CNST: variants seen among roughly 807,000 people sequenced by gnomAD.
The protein encoded by CNST is consortin, connexin sorting protein.
A neutral mutation model predicts 72.4 loss-of-function variants in CNST; 39 were observed. The observed-to-expected ratio is 0.54, with a 90% CI of 0.42 to 0.70. CNST has a LOEUF of 0.70. Among genes scored for constraint, CNST ranks in the 30% least tolerant of loss-of-function variants. The pLI, the probability that CNST is intolerant of heterozygous loss-of-function variation, is 0.00. For synonymous variants in CNST, 332 were observed against 320.1 expected (o/e 1.04, Z -0.40); for missense variants, 871 against 868.5 (o/e 1.00, Z -0.04).
At chr1:246,577,907 A>G (rs1408306496) in intron 1 of CNST, among the ~76,000 whole-genome samples, 1 of 151,942 alleles carries the variant, frequency 6.6e-6, no homozygotes, top group Non-Finnish European at 1.5e-5. Flanking sequence ...TTAATCTTTC[A>G]CTGACAAAAA....
intron 1 of CNST, among the ~76,000 whole-genome samples, chr1:246,579,034 TATTCTC>T (rs1247566205): frequency 6.6e-6 from 1 of 152,276 alleles, no homozygotes; most frequent in Non-Finnish European, 1.5e-5. Context: ...TGTGTCTTGT[TATTCTC>T]ATACTCTGGT....
At chr1:246,626,676 C>T (rs1664460346) in intron 3 of CNST, among the ~76,000 whole-genome samples, 1 of 151,882 alleles carries the variant, frequency 6.6e-6, no homozygotes, top group Admixed American at 6.6e-5. Context: ...AGGCTGGTCT[C>T]AAACTCCTGA....
chr1:246,620,875 C>T (rs904189284), intron 2 of CNST, among the ~76,000 whole-genome samples: 3 of 151,784 alleles, frequency 2.0e-5, no homozygotes, highest in Non-Finnish European at 2.9e-5. Flanking sequence ...TTCAGTCATG[C>T]GTACACACTA....
intron 6 of CNST, among the ~76,000 whole-genome samples, chr1:246,637,648 T>C (rs1354026076): frequency 6.6e-6 from 1 of 152,166 alleles, no homozygotes; most frequent in Non-Finnish European, 1.5e-5. Flanking sequence ...ACAGAGTTGA[T>C]GTTTTCAAGT....
At position 246,641,766 on chromosome 1, in the gene CNST, A is replaced by T; in HGVS notation, c.836A>T (p.His279Leu). 7.4e-7 allele frequency: 1 copy of T among 1,356,602 alleles called. No individual in the cohort carries two copies. The highest frequency in any genetic ancestry group is 1.2e-5 in the South Asian group (1 of 81,736). The allele number at this position is 1,356,602 out of a possible 1,614,324, so 84.0% of individuals were successfully genotyped here. A position where few individuals can be genotyped will look rare whatever the true frequency, so the allele number is the denominator to read the frequency against. ...TCCTACAGTCCTCTTTTATCCAAAC[A>T]TAAGGTAAGAGATTGTTTCTTTTGA... is the stretch of plus-strand genomic sequence containing the variant. ...ATHQDPLLSK[H>L]KIAAVEKSQE... is the part of the protein sequence containing the mutation. Residue 279 changes from histidine (H) to leucine (L), a missense_variant, in exon 7 of 11, where the codon CAT becomes CTT. Coordinates refer to ENST00000366513, the MANE Select transcript of CNST (RefSeq NM_152609.3).
In CNST at chr1:246,621,559, G is replaced by A; in HGVS notation, c.510G>A (p.Leu170=). ...AGCCAGAGGCGCCAAAGCTTGTTCT[G>A]CAGTCTCTGTTTTCACTTATACGAG... ...NEQPEAPKLV[L]QSLFSLIRGE... The change falls in exon 3 of 11, where the codon CTG becomes CTA. Residue 170 remains leucine (L), a synonymous_variant. Transcript: ENST00000366513. 5 of 1,614,188 alleles carry A rather than the reference G, an allele frequency of 3.1e-6. No homozygotes were observed. Among genetic ancestry groups the A allele is most frequent in the Non-Finnish European group, 4.2e-6 (5 of 1,180,024 alleles).
At chr1:246,642,211 T>C (rs576674950) in intron 8 of CNST, among the ~76,000 whole-genome samples, 174 bp downstream of exon 8, 1 of 149,274 alleles carries the variant, frequency 6.7e-6, no homozygotes, top group Admixed American at 6.6e-5. Context: ...TGAGACTTTT[T>C]ATATTGGGTA....
intron 1 of CNST, among the ~76,000 whole-genome samples, chr1:246,589,848 C>G (rs1423363731): frequency 6.6e-6 from 1 of 152,182 alleles, no homozygotes; most frequent in African/African-American, 2.4e-5. Flanking sequence ...TTTTGATTTG[C>G]ATTTCTCTGA....
Position 246,595,591 on chromosome 1 carries a change from T to C in CNST, c.379+3650T>C, listed in dbSNP as rs150810213. Among the ~76,000 whole-genome samples, 32 of 152,278 alleles carry C rather than the reference T, an allele frequency of 2.1e-4. No individual in the cohort carries two copies. In the East Asian group the frequency reaches 6.2e-3, roughly 29 times the overall value. ...ATTCTTAGCTCCTAAGTAAATAAAG[T>C]TTCAAATTTTTCAGACGTGTACTTT... On this transcript the variant is annotated intron_variant, in intron 2 of 10. Transcript: ENST00000366513.
At position 246,634,500 on chromosome 1, in the gene CNST, A is replaced by C; in HGVS notation, c.731A>C (p.His244Pro). The C allele has an allele frequency of 6.2e-7, 1 of 1,600,138 alleles. No individual in the cohort carries two copies. The highest frequency in any genetic ancestry group is 8.5e-7 in the Non-Finnish European group (1 of 1,176,752). The change falls in exon 6 of 11, where the codon CAT becomes CCT. Residue 244 changes from histidine (H) to proline (P), a missense_variant. By Grantham distance (77) the His-to-Pro change is moderately conservative. Transcript: ENST00000366513. Reference sequence around the variant, plus strand: ...ACAAAATGGAAAACTGTGCAACCACATACAGTTACGGCTCTAAGGAATTCA... The same window carrying C: ...ACAAAATGGAAAACTGTGCAACCACCTACAGTTACGGCTCTAAGGAATTCA... The part of the protein sequence containing the change: ...WETKWKTVQP[H>P]TVTALRNSEK...
chr1:246,640,458 CTAA>C (rs779852019), intron 6 of CNST, among the ~76,000 whole-genome samples: 4 of 151,906 alleles, frequency 2.6e-5, no homozygotes, highest in Non-Finnish European at 2.9e-5. Context: ...ATTTTTTAAA[CTAA>C]TAATAATAAT....
chr1:246,581,403 A>G, intron 1 of CNST, among the ~76,000 whole-genome samples: 1 of 152,202 alleles, frequency 6.6e-6, no homozygotes. Context: ...AGCTGGAATT[A>G]CAGGCATGCG....
intron 1 of CNST, among the ~76,000 whole-genome samples, chr1:246,590,104 G>A (rs975733773): frequency 2.6e-5 from 4 of 152,134 alleles, no homozygotes; most frequent in African/African-American, 4.8e-5. Flanking sequence ...GGCTTTATTC[G>A]GGCGGGAGCT....
chr1:246,570,338 C>T (rs1659991467), intron 1 of CNST, among the ~76,000 whole-genome samples: 1 of 152,138 alleles, frequency 6.6e-6, no homozygotes, highest in Non-Finnish European at 1.5e-5. Context: ...TCAGTCAGAC[C>T]CATCATTGTT....
rs1233156164 is a variant in CNST at position 246,666,561 on chromosome 1, G to A, written c.*656G>A. 1 of 152,322 alleles carries A rather than the reference G, an allele frequency of 6.6e-6. No individual in the cohort carries two copies. Among genetic ancestry groups the A allele is most frequent in the Non-Finnish European group, 1.5e-5 (1 of 68,042 alleles). 9.4% of individuals were successfully genotyped at this position (152,322 alleles called of 1,614,324 possible). ...GTGCAGGCACAAATCTTTGGAGAAG[G>A]CTTAACTGTGGAATAGATGAATTCT... On this transcript the variant is annotated 3_prime_UTR_variant, in exon 11 of 11. Coordinates refer to ENST00000366513, the MANE Select transcript of CNST (RefSeq NM_152609.3).
At chr1:246,622,949 G>A (rs1239444019) in intron 3 of CNST, among the ~76,000 whole-genome samples, 2 of 152,002 alleles carry the variant, frequency 1.3e-5, no homozygotes, top group Admixed American at 6.6e-5. Flanking sequence ...TTAGCCTCCT[G>A]AGTAGCTGGA....
chr1:246,601,931 G>A (rs914172187), intron 2 of CNST, among the ~76,000 whole-genome samples: 2 of 152,222 alleles, frequency 1.3e-5, no homozygotes, highest in Non-Finnish European at 2.9e-5. Context: ...TAGGAGATGA[G>A]TTTTGAAGTA....
chr1:246,659,171 A>G (rs1666928515), intron 9 of CNST, among the ~76,000 whole-genome samples: 1 of 152,246 alleles, frequency 6.6e-6, no homozygotes, highest in East Asian at 1.9e-4. Context: ...ATTGTAGCCC[A>G]GAAGCAGCTG....
At chr1:246,604,659 T>TAA (rs747199750) in intron 2 of CNST, among the ~76,000 whole-genome samples, 3 of 152,014 alleles carry the variant, frequency 2.0e-5, no homozygotes, top group African/African-American at 7.2e-5. Flanking sequence ...TATATATATA[T>TAA]AATACTTATA....
Sources: gnomAD v4.1 joint callset for allele counts (sites outside exome capture counted in the v4.1 genomes callset) on GRCh38, gnomAD v4.1.1 for gene constraint, MANE v1.5 for transcripts, NCBI Gene and HGNC (gene_info 2026-07-23, HGNC 2026-07-21) for gene names.